Variants in ITIH6 observed in about 807,000 individuals in gnomAD.
The protein encoded by ITIH6 is inter-alpha-trypsin inhibitor heavy chain family member 6, also known as inter-alpha-trypsin inhibitor heavy chain H6.
A neutral mutation model predicts 58.2 loss-of-function variants in ITIH6; 60 were observed. The observed-to-expected ratio is 1.03, with a 90% CI of 0.84 to 1.28. The LOEUF (loss-of-function observed/expected upper bound fraction) is 1.28. ITIH6 is among the 50% of genes most tolerant of loss of function. ITIH6 has a pLI of 0.00. For missense variants in ITIH6, 1,290 were observed against 1,021.1 expected (o/e 1.26, Z -3.59); for synonymous variants, 493 against 417.4 (o/e 1.18, Z -2.21).
Position 54,751,124 on chromosome X carries a change from G to C in ITIH6, c.3609C>G (p.Pro1203=), listed in dbSNP as rs1311561005. ...AAARLTLRLG[P]YLEFLVLRHR... ...GTCGGAGGACTAGGAACTCAAGGTA[G>C]GGCCCAAGGCGGAGGGTAAGGCGGG... Residue 1203 remains proline, a synonymous_variant, in exon 12 of 13, where the codon CCC becomes CCG. Transcript: ENST00000218436. 2 of 1,207,354 alleles carry C rather than the reference G, an allele frequency of 1.7e-6. No homozygotes were observed. Among genetic ancestry groups the C allele is most frequent in the African/African-American group, 3.5e-5 (2 of 57,201 alleles).
chrX:54,766,661 C>G lies in ITIH6; in HGVS notation c.904-6734G>C, dbSNP rs1218131374. Among the ~76,000 whole-genome samples, 208 of 85,739 alleles carry G rather than the reference C, an allele frequency of 2.4e-3. 3 individuals carry two copies. Among genetic ancestry groups the G allele is most frequent in the African/African-American group, 9.8e-3 (192 of 19,682 alleles). 74.5% of individuals were successfully genotyped at this position (85,739 alleles called of 115,157 possible). Reference sequence around the variant, plus strand: ...ATTGAGATAATCATGTGGTTTTTGTCTTTGGTTCTGTTTATATGCTGGATT... The same window carrying G: ...ATTGAGATAATCATGTGGTTTTTGTGTTTGGTTCTGTTTATATGCTGGATT... On this transcript the variant is annotated intron_variant, in intron 6 of 12. Coordinates refer to ENST00000218436, the MANE Select transcript of ITIH6 (RefSeq NM_198510.3).
chrX:54,792,739 T>A (rs2147621804), intron 2 of ITIH6, among the ~76,000 whole-genome samples: 1 of 111,470 alleles, frequency 9.0e-6, no homozygotes, highest in Admixed American at 9.5e-5. Context: ...CTAAGGAAGG[T>A]AATAAAGTGA....
chrX:54,752,929 A>T (rs1316110570), intron 11 of ITIH6, among the ~76,000 whole-genome samples: 1 of 112,521 alleles, frequency 8.9e-6, no homozygotes, highest in Non-Finnish European at 1.9e-5. Flanking sequence ...GATGCTCAAG[A>T]CATTTTACTA....
chrX:54,757,613 G>T lies in ITIH6; in HGVS notation c.2461C>A (p.Pro821Thr). 1 of 1,211,033 alleles carries T rather than the reference G, an allele frequency of 8.3e-7. No individual in the cohort carries two copies. The highest frequency in any genetic ancestry group is 1.1e-6 in the Non-Finnish European group (1 of 895,227). The change falls in exon 8 of 13, where the codon CCA becomes ACA. Residue 821 changes from proline (P) to threonine (T), a missense_variant. Pro to Thr is a conservative substitution (Grantham distance 38). Coordinates refer to ENST00000218436, the MANE Select transcript of ITIH6 (RefSeq NM_198510.3). ...GGAACCCTAGGTCTGGTGTGTAGTG[G>T]GTACTTGGGAACCTGAAGTGTAGAG... ...GVSTLQVPKY[P>T]LHTRPRVPAP...
chrX:54,751,056 C>G lies in ITIH6; in HGVS notation c.3677G>C (p.Gly1226Ala). ...GCCTGAGCCATTGGCCACGTAGAAC[C>G]CCAGGTGGGGTAGTTGCAGGGTACT... is the stretch of plus-strand genomic sequence containing the variant. Reference protein sequence around the residue: ...HPSTLQLPHLGFYVANGSGLS... With the variant: ...HPSTLQLPHLAFYVANGSGLS... The change falls in exon 12 of 13, where the codon GGG becomes GCG. Residue 1226 changes from glycine (G) to alanine (A), a missense_variant. Gly to Ala is a moderately conservative substitution (Grantham distance 60). Transcript: ENST00000218436. 1 of 1,191,893 alleles carries G rather than the reference C, an allele frequency of 8.4e-7. No individual in the cohort carries two copies. Among genetic ancestry groups the G allele is most frequent in the Non-Finnish European group, 1.1e-6 (1 of 885,495 alleles).
intron 6 of ITIH6, among the ~76,000 whole-genome samples, chrX:54,762,744 C>A (rs1217124506): frequency 2.7e-5 from 3 of 111,792 alleles, no homozygotes; most frequent in Non-Finnish European, 5.6e-5. Flanking sequence ...AATATTGAAC[C>A]CTTTGAGAGA....
chrX:54,789,765 C>G (rs1447227897), intron 4 of ITIH6, among the ~76,000 whole-genome samples: 2 of 112,380 alleles, frequency 1.8e-5, no homozygotes, highest in African/African-American at 3.2e-5. Flanking sequence ...GCGTTTGGAG[C>G]CATACCTGCA....
rs1463576604 is a variant in ITIH6, at chrX:54,757,454, G to A, written c.2620C>T (p.Pro874Ser). The A allele has an allele frequency of 3.3e-6, 4 of 1,208,445 alleles. No individual in the cohort carries two copies. In the African/African-American group the frequency reaches 7.0e-5, roughly 21 times the overall value. ...GGCATATGGGGGTTTGGGGTCTCAG[G>A]CTTGGAAAGTGATATGCTTGTGGAA... ...QISTSISLSK[P>S]ETPNPHMPQT... Residue 874 changes from proline (P) to serine (S), a missense_variant, in exon 8 of 13, where the codon CCT (proline) becomes TCT (serine). Coordinates refer to ENST00000218436, the MANE Select transcript of ITIH6 (RefSeq NM_198510.3).
chrX:54,757,838 G>A lies in ITIH6; in HGVS notation c.2236C>T (p.His746Tyr). The A allele has an allele frequency of 8.3e-7, 1 of 1,211,508 alleles. No homozygotes were observed. Among genetic ancestry groups the A allele is most frequent in the Non-Finnish European group, 1.1e-6 (1 of 895,269 alleles). The change falls in exon 8 of 13, where the codon CAC becomes TAC. Residue 746 changes from histidine (H) to tyrosine (Y), a missense_variant. Transcript: ENST00000218436. ...LLPLKPGSLS[H>Y]QNPDILPTNS... ...GTGGGTAATATATCAGGATTCTGGT[G>A]TGATAGAGAGCCGGGCTTCAGAGGC... is the stretch of plus-strand genomic sequence containing the variant.
intron 5 of ITIH6, among the ~76,000 whole-genome samples, chrX:54,781,360 T>G (rs1317668564): frequency 9.0e-6 from 1 of 111,518 alleles, no homozygotes; most frequent in Admixed American, 9.5e-5. Context: ...GCAGCATCTA[T>G]AAGGAACTTA....
At chrX:54,770,349 C>T (rs1685180431) in intron 6 of ITIH6, among the ~76,000 whole-genome samples, 1 of 112,812 alleles carries the variant, frequency 8.9e-6, no homozygotes, top group African/African-American at 3.2e-5. Flanking sequence ...ATGCGTCGCT[C>T]ACGCTGGGAG....
rs1213818942 is a variant in ITIH6 at position 54,748,975 on chromosome X, C to T, written c.*920G>A. ...TGCCACTCTGGCTCCCTGTCCCCAT[C>T]TTTTTATGTCTCTATACCCCTATGT... On this transcript the variant is annotated 3_prime_UTR_variant, in exon 13 of 13. Transcript: ENST00000218436. 9.0e-6 allele frequency: 1 copy of T among 111,139 alleles called. No homozygotes were observed. The allele number at this position is 111,139 out of a possible 1,213,427, so 9.2% of individuals were successfully genotyped here. A position where few individuals can be genotyped will look rare whatever the true frequency, so the allele number is the denominator to read the frequency against.
intron 5 of ITIH6, among the ~76,000 whole-genome samples, chrX:54,782,538 C>G (rs985157552): frequency 1.8e-5 from 2 of 111,775 alleles, no homozygotes; most frequent in African/African-American, 6.5e-5. Flanking sequence ...ATATAACAAA[C>G]CTTTATGTGT....
chrX:54,776,145 T>C (rs1929046710), intron 5 of ITIH6, among the ~76,000 whole-genome samples: 1 of 109,532 alleles, frequency 9.1e-6, no homozygotes. Context: ...GCAGCTATTG[T>C]GAGGCATTGA....
At chrX:54,797,762 T>C (rs1371844300) in intron 1 of ITIH6, among the ~76,000 whole-genome samples, 3 of 111,395 alleles carry the variant, frequency 2.7e-5, no homozygotes, top group African/African-American at 9.8e-5. Flanking sequence ...GCAGAGCTAG[T>C]TCCTTCCCAG....
chrX:54,754,886 G>C (rs904516173), intron 9 of ITIH6, 131 bp downstream of exon 9: 7 of 478,889 alleles, frequency 1.5e-5, no homozygotes, highest in Non-Finnish European at 2.5e-5. Context: ...TACTAAATTT[G>C]TGATAAATGT....
chrX:54,767,174 C>A (rs1241984841), intron 6 of ITIH6, among the ~76,000 whole-genome samples: 1 of 106,531 alleles, frequency 9.4e-6, no homozygotes, highest in Non-Finnish European at 1.9e-5. Context: ...AGTTTATTTG[C>A]GTAGAGGTGT....
chrX:54,788,675 G>A (rs767674527), intron 4 of ITIH6, 26 bp from the exon 5 acceptor site: 5 of 1,170,770 alleles, frequency 4.3e-6, no homozygotes, highest in Non-Finnish European at 5.8e-6. Flanking sequence ...GGATCGGGGC[G>A]GGGTGGTACA....
At chrX:54,796,908 A>G in intron 2 of ITIH6, 34 bp downstream of exon 2, 1 of 1,190,441 alleles carries the variant, frequency 8.4e-7, no homozygotes, top group South Asian at 1.8e-5. Flanking sequence ...ATATGCACAA[A>G]TGAATGAAGT....
Sources: allele counts gnomAD v4.1 joint callset (sites outside exome capture counted in the v4.1 genomes callset), GRCh38; gene constraint gnomAD v4.1.1; transcripts MANE v1.5; gene names NCBI Gene and HGNC (gene_info 2026-07-23, HGNC 2026-07-21).